ZNF423: variants seen among roughly 807,000 people sequenced by gnomAD.
ZNF423 encodes Ebf-associated zinc finger protein.
In ZNF423, 12 loss-of-function variants were observed where a neutral mutation model predicts 95.8. The observed-to-expected ratio is 0.13, with a 90% CI of 0.08 to 0.20. The LOEUF (loss-of-function observed/expected upper bound fraction) is 0.20. ZNF423 is among the 10% of genes least tolerant of loss of function. The pLI, the probability that ZNF423 is intolerant of heterozygous loss-of-function variation, is 1.00. For missense variants in ZNF423, 1,316 were observed against 1,737.1 expected, an observed-to-expected ratio of 0.76 and a Z score of 4.31; for synonymous variants, 749 against 711.9, an observed-to-expected ratio of 1.05 and a Z score of -0.83.
At chr16:49,684,839 G>T (rs767405921) in intron 3 of ZNF423, among the ~76,000 whole-genome samples, 1 of 152,218 alleles carries the variant, frequency 6.6e-6, no homozygotes. Context: ...ACATAAATGA[G>T]GGGGCCCTGA....
intron 5 of ZNF423, among the ~76,000 whole-genome samples, chr16:49,593,097 G>A (rs1057294102): frequency 6.6e-6 from 1 of 152,124 alleles, no homozygotes; most frequent in Non-Finnish European, 1.5e-5. Context: ...CCCTGGTGGT[G>A]ACTGCTATCC....
chr16:49,829,199 G>A (rs1597047382), intron 1 of ZNF423, among the ~76,000 whole-genome samples: 1 of 152,212 alleles, frequency 6.6e-6, no homozygotes, highest in Non-Finnish European at 1.5e-5. Flanking sequence ...TTCCACCTCT[G>A]TGTTGTGTAG....
intron 3 of ZNF423, among the ~76,000 whole-genome samples, chr16:49,647,059 A>G (rs1258254911): frequency 6.6e-6 from 1 of 152,108 alleles, no homozygotes; most frequent in African/African-American, 2.4e-5. Flanking sequence ...CCACTTACTA[A>G]CCACCAGGCT....
chr16:49,556,116 G>T (rs1969818528), intron 5 of ZNF423, among the ~76,000 whole-genome samples: 1 of 152,188 alleles, frequency 6.6e-6, no homozygotes, highest in Non-Finnish European at 1.5e-5. Flanking sequence ...AAGATCACTG[G>T]TCTCTTCCGA....
intron 2 of ZNF423, among the ~76,000 whole-genome samples, chr16:49,787,494 G>A (rs1359501762): frequency 2.6e-5 from 4 of 152,084 alleles, no homozygotes; most frequent in East Asian, 3.9e-4. Flanking sequence ...CTACATGCAC[G>A]AGGCATGCTC....
intron 7 of ZNF423, among the ~76,000 whole-genome samples, chr16:49,521,076 T>A (rs1024178598): frequency 1.3e-5 from 2 of 152,130 alleles, no homozygotes; most frequent in African/African-American, 4.8e-5. Flanking sequence ...TCGAGATAGG[T>A]GGGATCGAAG....
intron 5 of ZNF423, among the ~76,000 whole-genome samples, chr16:49,537,925 T>TG (rs1459740918): frequency 1.3e-5 from 2 of 152,136 alleles, no homozygotes; most frequent in African/African-American, 2.4e-5. Flanking sequence ...AGGGACCAGA[T>TG]GGGGGGTCTG....
chr16:49,698,492 C>A (rs2032056946), intron 3 of ZNF423, among the ~76,000 whole-genome samples: 1 of 152,238 alleles, frequency 6.6e-6, no homozygotes, highest in Admixed American at 6.5e-5. Flanking sequence ...CTTTGCCAGT[C>A]GTGATACCCC....
intron 3 of ZNF423, chr16:49,711,651 C>T (rs2032547295): frequency 6.6e-6 from 1 of 152,088 alleles, no homozygotes; most frequent in African/African-American, 2.4e-5. Flanking sequence ...GAAAGATGCA[C>T]CTCAATTTCA....
chr16:49,693,010 C>G (rs951780256), intron 3 of ZNF423, among the ~76,000 whole-genome samples: 2 of 152,206 alleles, frequency 1.3e-5, no homozygotes, highest in African/African-American at 4.8e-5. Context: ...TCCACAAGGG[C>G]AAACATTATG....
chr16:49,510,249 G>A (rs1967830839), intron 7 of ZNF423, among the ~76,000 whole-genome samples: 4 of 152,198 alleles, frequency 2.6e-5, no homozygotes, highest in Admixed American at 2.6e-4. Flanking sequence ...CCTCCAAGAG[G>A]GGCACTGGCA....
intron 5 of ZNF423, among the ~76,000 whole-genome samples, chr16:49,615,763 G>A (rs1415017383): frequency 6.6e-6 from 1 of 152,166 alleles, no homozygotes; most frequent in Non-Finnish European, 1.5e-5. Context: ...CCAACCCCTG[G>A]GCCTCTGTCG....
intron 7 of ZNF423, among the ~76,000 whole-genome samples, chr16:49,514,762 G>C (rs559359205): frequency 6.6e-6 from 1 of 152,224 alleles, no homozygotes; most frequent in Non-Finnish European, 1.5e-5. Context: ...TTGCCACCGC[G>C]GGCCCGGCTC....
intron 5 of ZNF423, among the ~76,000 whole-genome samples, chr16:49,563,450 C>T (rs910070250): frequency 7.9e-5 from 12 of 152,198 alleles, no homozygotes; most frequent in Admixed American, 2.6e-4. Context: ...CTTTATAAAT[C>T]ACCCAGCCTC....
At chr16:49,659,080 C>CG (rs1419650697) in intron 3 of ZNF423, among the ~76,000 whole-genome samples, 2 of 152,088 alleles carry the variant, frequency 1.3e-5, no homozygotes, top group African/African-American at 2.4e-5. Context: ...CTTGTTTTAG[C>CG]GGGGGGTGGT....
intron 1 of ZNF423, among the ~76,000 whole-genome samples, chr16:49,806,740 C>A (rs1247734132): frequency 6.6e-6 from 1 of 151,540 alleles, no homozygotes; most frequent in Admixed American, 6.6e-5. Context: ...AAAAAAAATG[C>A]ACAGCAGGCC....
At chr16:49,511,524 A>C (rs1205825409) in intron 7 of ZNF423, among the ~76,000 whole-genome samples, 1 of 152,210 alleles carries the variant, frequency 6.6e-6, no homozygotes, top group Non-Finnish European at 1.5e-5. Context: ...TGAGGTCCTA[A>C]GAGGCTACCC....
chr16:49,601,436 G>A (rs145914912), intron 5 of ZNF423, among the ~76,000 whole-genome samples: 46 of 152,318 alleles, frequency 3.0e-4, no homozygotes, highest in Admixed American at 1.3e-3. Flanking sequence ...CAATATTACT[G>A]TTGTTATTAT....
chr16:49,650,527 C>G (rs1444792062), intron 3 of ZNF423, among the ~76,000 whole-genome samples: 1 of 152,152 alleles, frequency 6.6e-6, no homozygotes, highest in Non-Finnish European at 1.5e-5. Flanking sequence ...CACCTCACAC[C>G]CATTATCCAT....
Sources: allele counts gnomAD v4.1 joint callset (sites outside exome capture counted in the v4.1 genomes callset), GRCh38; gene constraint gnomAD v4.1.1; transcripts MANE v1.5; gene names NCBI Gene and HGNC (gene_info 2026-07-23, HGNC 2026-07-21).